The following DCDC2C variants were observed in gnomAD, a reference collection of about 807,000 sequenced individuals.
The protein encoded by DCDC2C is doublecortin domain containing 2C, also known as doublecortin domain-containing protein 2C.
In DCDC2C, 44 loss-of-function variants were observed where a neutral mutation model predicts 45.0. The observed-to-expected ratio is 0.98, with a 90% CI of 0.77 to 1.26. DCDC2C has a LOEUF of 1.26. DCDC2C is among the 50% of genes most tolerant of loss of function. The pLI is 0.00. For missense variants in DCDC2C, 447 were observed against 468.9 expected, an observed-to-expected ratio of 0.95 and a Z score of 0.43; for synonymous variants, 187 against 178.8, an observed-to-expected ratio of 1.05 and a Z score of -0.37.
chr2:3,809,747 C>T (rs1169570283), intron 10 of DCDC2C, among the ~76,000 whole-genome samples: 4 of 152,162 alleles, frequency 2.6e-5, no homozygotes, highest in African/African-American at 9.7e-5. Context: ...TCCCCTTACC[C>T]CCAACCCCCA....
chr2:3,771,280 G>A (rs1670160883), intron 8 of DCDC2C, among the ~76,000 whole-genome samples: 1 of 152,206 alleles, frequency 6.6e-6, no homozygotes. Flanking sequence ...CACTCGCCGG[G>A]TCCTGACATG....
At chr2:3,836,839 G>A (rs1672089540) in intron 10 of DCDC2C, among the ~76,000 whole-genome samples, 2 of 143,396 alleles carry the variant, frequency 1.4e-5, no homozygotes, top group Non-Finnish European at 1.5e-5. Context: ...TCCAGCCTGG[G>A]CGACAGAGCG....
chr2:3,822,973 G>A (rs13010014), intron 10 of DCDC2C, among the ~76,000 whole-genome samples: 31,678 of 151,952 alleles, frequency 0.21, 3,790 homozygotes, highest in African/African-American at 0.33. Context: ...GCTGCCATCC[G>A]TGTAAGGTGT....
chr2:3,744,713 AC>A (rs982120034), intron 4 of DCDC2C, among the ~76,000 whole-genome samples: 2 of 152,230 alleles, frequency 1.3e-5, no homozygotes, highest in African/African-American at 4.8e-5. Context: ...CAGTTGTGAT[AC>A]CAACGATGAA....
At chr2:3,725,495 G>GGATGGCC (rs1286885250) in intron 2 of DCDC2C, among the ~76,000 whole-genome samples, 1 of 99,838 alleles carries the variant, frequency 1.0e-5, no homozygotes, top group Non-Finnish European at 2.2e-5. Context: ...GACGAGCAGA[G>GGATGGCC]AGGGAGGAGG....
intron 6 of DCDC2C, among the ~76,000 whole-genome samples, chr2:3,755,902 A>G (rs576448952): frequency 6.6e-6 from 1 of 152,200 alleles, no homozygotes; most frequent in East Asian, 1.9e-4. Context: ...ATACATGTGT[A>G]TGTATGTATT....
chr2:3,816,722 GCA>G (rs1671567418), intron 10 of DCDC2C, among the ~76,000 whole-genome samples: 1 of 152,180 alleles, frequency 6.6e-6, no homozygotes, highest in South Asian at 2.1e-4. Flanking sequence ...CTTAAGGGTG[GCA>G]GTTTGAGGTA....
intron 10 of DCDC2C, among the ~76,000 whole-genome samples, chr2:3,798,784 C>T (rs1014752647): frequency 1.1e-3 from 175 of 152,290 alleles, no homozygotes; most frequent in Middle Eastern, 3.4e-3. Context: ...CCCGACCTTT[C>T]TCTCTGGCTG....
chr2:3,756,419 C>G (rs1669718293), intron 6 of DCDC2C, among the ~76,000 whole-genome samples: 1 of 152,194 alleles, frequency 6.6e-6, no homozygotes, highest in Non-Finnish European at 1.5e-5. Flanking sequence ...TCTTTTCTTT[C>G]CCAGTAACTA....
intron 2 of DCDC2C, 72 bp from the exon 3 acceptor site, chr2:3,726,931 T>G (rs1668706318): frequency 1.5e-6 from 2 of 1,357,468 alleles, no homozygotes; most frequent in Non-Finnish European, 2.1e-6. Flanking sequence ...GGCAGTGCTG[T>G]GCACACTGTT....
At chr2:3,752,640 C>A (rs1018509991) in intron 4 of DCDC2C, 123 bp from the exon 5 acceptor site, 3 of 1,191,644 alleles carry the variant, frequency 2.5e-6, no homozygotes, top group East Asian at 5.1e-5. Context: ...CACGTGCTTA[C>A]GATGAGCACT....
intron 9 of DCDC2C, 48 bp from the exon 10 acceptor site, chr2:3,785,011 A>G: frequency 8.3e-7 from 1 of 1,207,226 alleles, no homozygotes; most frequent in Non-Finnish European, 1.0e-6. Context: ...TTATTTTACA[A>G]CATCCTTCTT....
At chr2:3,709,475 C>G (rs1440579012) in intron 2 of DCDC2C, among the ~76,000 whole-genome samples, 1 of 152,222 alleles carries the variant, frequency 6.6e-6, no homozygotes, top group Non-Finnish European at 1.5e-5. Context: ...TCACAGGCAC[C>G]AGCTTCCAGA....
intron 3 of DCDC2C, among the ~76,000 whole-genome samples, chr2:3,730,050 C>T (rs907873895): frequency 2.0e-5 from 3 of 152,210 alleles, no homozygotes; most frequent in African/African-American, 7.2e-5. Context: ...GCCGTTGCTT[C>T]CAGCTGCTGT....
chr2:3,796,506 T>A (rs1388669212), intron 10 of DCDC2C, among the ~76,000 whole-genome samples: 2 of 110,478 alleles, frequency 1.8e-5, no homozygotes, highest in Non-Finnish European at 3.6e-5. Flanking sequence ...GCTGTGGGTT[T>A]GTCATAGATA....
At chr2:3,815,007 G>A (rs1408323771) in intron 10 of DCDC2C, among the ~76,000 whole-genome samples, 1 of 152,264 alleles carries the variant, frequency 6.6e-6, no homozygotes, top group Non-Finnish European at 1.5e-5. Context: ...GCCCCTACCC[G>A]AAGGAGCTCA....
At chr2:3,741,012 T>C (rs1470287457) in intron 3 of DCDC2C, among the ~76,000 whole-genome samples, 1 of 152,254 alleles carries the variant, frequency 6.6e-6, no homozygotes, top group Non-Finnish European at 1.5e-5. Flanking sequence ...CCTTGTATTT[T>C]ACATTATTTT....
At chr2:3,739,917 G>A (rs1219822412) in intron 3 of DCDC2C, among the ~76,000 whole-genome samples, 1 of 152,170 alleles carries the variant, frequency 6.6e-6, no homozygotes, top group African/African-American at 2.4e-5. Flanking sequence ...CCATGGGGTC[G>A]GAGCCCCACA....
rs1398683451 is a variant in DCDC2C at position 3,754,454 on chromosome 2, A to G, written c.684-138A>G. On this transcript the variant is annotated intron_variant, in intron 5 of 10. Transcript: ENST00000399143. Reference sequence around the variant, plus strand: ...CCAAAGCTGGGAAATCATTGTTGCCATGAGCCGTGTCCTCTGTGGACAGCT... The same window carrying G: ...CCAAAGCTGGGAAATCATTGTTGCCGTGAGCCGTGTCCTCTGTGGACAGCT... The G allele has an allele frequency of 2.0e-5, 15 of 735,742 alleles. No homozygotes were observed. In the East Asian group the frequency reaches 2.7e-4, roughly 13 times the overall value. 45.6% of individuals were successfully genotyped at this position (735,742 alleles called of 1,614,324 possible). A position where few individuals can be genotyped will look rare whatever the true frequency, so the allele number is the denominator to read the frequency against.
Sources: gnomAD v4.1 joint callset for allele counts (sites outside exome capture counted in the v4.1 genomes callset) on GRCh38, gnomAD v4.1.1 for gene constraint, MANE v1.5 for transcripts, NCBI Gene and HGNC (gene_info 2026-07-23, HGNC 2026-07-21) for gene names.